TMEM200C: variants seen among roughly 807,000 people sequenced by gnomAD.
TMEM200C encodes the protein transmembrane protein 200C, also known as transmembrane protein TTMA.
For synonymous variants in TMEM200C, 462 were observed against 324.7 expected, an observed-to-expected ratio of 1.42 and a Z score of -4.55; for missense variants, 966 against 699.9, an observed-to-expected ratio of 1.38 and a Z score of -4.29.
chr18:5,891,619 C>T lies in TMEM200C; in HGVS notation c.445G>A (p.Val149Met), dbSNP rs775065617. 25 of 1,613,840 alleles carry T rather than the reference C, an allele frequency of 1.5e-5. No homozygotes were observed. Among genetic ancestry groups the T allele is most frequent in the Non-Finnish European group, 2.1e-5 (25 of 1,179,822 alleles). The change falls in exon 3 of 3, where the codon GTG (valine) becomes ATG (methionine). Residue 149 changes from valine to methionine, a missense_variant. Physicochemically the swap from Val to Met is conservative, Grantham distance 21. Transcript: ENST00000581347. This position sits in a 1 kb window ranked among gnomAD's most constrained non-coding sequence, Gnocchi z 4.7. ...GAGAAGATGCGGAAGAAGAAGCCCA[C>T]GGACGTGGAGGAGGAGGACGGGGAG...
chr18:5,893,489 A>G (rs2095173139), intron 2 of TMEM200C, among the ~76,000 whole-genome samples: 3 of 152,214 alleles, frequency 2.0e-5, no homozygotes, highest in Non-Finnish European at 4.4e-5. Flanking sequence ...AGAGTAGAAC[A>G]TTTTCTGTCC....
Position 5,891,085 on chromosome 18 carries a change from G to C in TMEM200C, c.979C>G (p.Arg327Gly), listed in dbSNP as rs1280877925. The C allele has an allele frequency of 9.4e-6, 5 of 533,014 alleles. No individual in the cohort carries two copies. Among genetic ancestry groups the C allele is most frequent in the African/African-American group, 2.0e-5 (1 of 49,130 alleles). The allele number at this position is 533,014 out of a possible 1,614,324, so 33.0% of individuals were successfully genotyped here. Reference sequence around the variant, plus strand: ...CTGCCTGCCACGCCCGAGCGCTCGCGGTAGACGCTGTACACGGCCTCGGCC... The same window carrying C: ...CTGCCTGCCACGCCCGAGCGCTCGCCGTAGACGCTGTACACGGCCTCGGCC... The change falls in exon 3 of 3, where the codon CGC becomes GGC. Residue 327 changes from arginine to glycine, a missense_variant. Arg to Gly is a moderately radical substitution (Grantham distance 125). Transcript: ENST00000581347. The surrounding 1 kb of genome is among the most constrained non-coding windows in gnomAD (Gnocchi z 4.7).
In TMEM200C at chr18:5,891,819, T is replaced by C. The variant is rs1340966980; in HGVS notation, c.245A>G (p.Asn82Ser). The C allele has an allele frequency of 1.2e-6, 2 of 1,605,572 alleles. No homozygotes were observed. The highest frequency in any genetic ancestry group is 2.2e-5 in the East Asian group (1 of 44,830). Residue 82 changes from asparagine to serine, a missense_variant, in exon 3 of 3, where the codon AAT becomes AGT. Coordinates refer to ENST00000581347, the Ensembl canonical transcript of TMEM200C. The surrounding 1 kb of genome is among the most constrained non-coding windows in gnomAD (Gnocchi z 4.7). ...CGGCAGCTGCTTACCCCCCTCCCGA[T>C]TGGTCCCGGTGGCCTTGGGCCAGTA... is the stretch of plus-strand genomic sequence containing the variant.
At chr18:5,887,800 T>C (rs1044682912) in exon 3 of TMEM200C, 1 of 152,266 alleles carries the variant, frequency 6.6e-6, no homozygotes, top group Non-Finnish European at 1.5e-5. Flanking sequence ...ACTACACTTA[T>C]ACACTTCCTC....
At chr18:5,896,148 C>A (rs1041405344), upstream of TMEM200C, among the ~76,000 whole-genome samples, 2 of 152,238 alleles carry the variant, frequency 1.3e-5, no homozygotes, top group South Asian at 4.1e-4. Context: ...CCGGGACGGG[C>A]GCACCGCGGG....
chr18:5,886,702 T>C (rs1191355801), exon 3 of TMEM200C: 1 of 152,194 alleles, frequency 6.6e-6, no homozygotes, highest in Non-Finnish European at 1.5e-5. Context: ...GTTTATTTAG[T>C]CCTCATTTAA....
At position 5,891,806 on chromosome 18, in the gene TMEM200C, A is replaced by AC; in HGVS notation, c.257dup (p.Lys87Ter). ...TGCTGCCCGCAGGCGGCAGCTGCTT[A>AC]CCCCCCTCCCGATTGGTCCCGGTGG... On this transcript the variant is annotated frameshift_variant, in exon 3 of 3. Transcript: ENST00000581347. LOFTEE classifies it low-confidence loss of function (END_TRUNC). The surrounding 1 kb of genome is among the most constrained non-coding windows in gnomAD (Gnocchi z 4.7). 1.2e-6 allele frequency: 2 copies of AC among 1,603,178 alleles called. No individual in the cohort carries two copies. The highest frequency in any genetic ancestry group is 1.7e-6 in the Non-Finnish European group (2 of 1,177,108).
chr18:5,895,212 C>G (rs1178115219), exon 2 of TMEM200C: 1 of 151,942 alleles, frequency 6.6e-6, no homozygotes, highest in Non-Finnish European at 1.5e-5. Flanking sequence ...TCGCAGTCCC[C>G]GCCGGCGCTG....
exon 3 of TMEM200C, chr18:5,888,482 G>C (rs920237463): frequency 1.3e-5 from 2 of 152,176 alleles, no homozygotes; most frequent in Non-Finnish European, 2.9e-5. Flanking sequence ...TCCAGGACAA[G>C]AGCCTGAATT....
At chr18:5,887,254 G>C (rs963334496) in exon 3 of TMEM200C, 1 of 152,094 alleles carries the variant, frequency 6.6e-6, no homozygotes, top group Admixed American at 6.5e-5. Context: ...ATAAATTAAA[G>C]GTGGGGGGAT....
exon 1 of TMEM200C, chr18:5,895,876 G>C (rs2144469140): frequency 6.6e-6 from 1 of 152,068 alleles, no homozygotes; most frequent in African/African-American, 2.4e-5. Flanking sequence ...GCGGGCCCCA[G>C]AGGCCCCAAA....
exon 3 of TMEM200C, chr18:5,890,151 G>C: frequency 6.7e-7 from 1 of 1,481,494 alleles, no homozygotes; most frequent in Admixed American, 2.2e-5. Context: ...ATTCAAGTGG[G>C]CGTTTCTCCC....
rs926486022 is a variant in TMEM200C at position 5,891,077 on chromosome 18, G to A, written c.987C>T (p.Arg329=). 3.7e-6 allele frequency: 2 copies of A among 534,932 alleles called. No individual in the cohort carries two copies. The highest frequency in any genetic ancestry group is 6.4e-6 in the Non-Finnish European group (2 of 311,388). The allele number at this position is 534,932 out of a possible 1,614,324, so 33.1% of individuals were successfully genotyped here. The change falls in exon 3 of 3, where the codon CGC becomes CGT. Residue 329 remains arginine, a synonymous_variant. Coordinates refer to ENST00000581347, the Ensembl canonical transcript of TMEM200C. The surrounding 1 kb of genome is among the most constrained non-coding windows in gnomAD (Gnocchi z 4.7). ...CCCGGCGACTGCCTGCCACGCCCGAGCGCTCGCGGTAGACGCTGTACACGG... is the reference window on the plus strand; with the variant it reads ...CCCGGCGACTGCCTGCCACGCCCGAACGCTCGCGGTAGACGCTGTACACGG...
chr18:5,892,061 C>A, exon 3 of TMEM200C: 1 of 1,611,704 alleles, frequency 6.2e-7, no homozygotes, highest in South Asian at 1.1e-5. Context: ...CGGTGGCGAT[C>A]ATGGCGAGCT....
exon 3 of TMEM200C, chr18:5,883,406 A>G (rs1599522924): frequency 1.3e-5 from 2 of 152,062 alleles, no homozygotes; most frequent in African/African-American, 2.4e-5. Flanking sequence ...CTGCATCTAT[A>G]CTTTGCTATT....
exon 3 of TMEM200C, chr18:5,887,828 A>C (rs927564034): frequency 5.3e-5 from 8 of 152,238 alleles, no homozygotes; most frequent in Non-Finnish European, 8.8e-5. Flanking sequence ...TAAAGAAATC[A>C]CAGGCTCCTC....
chr18:5,890,535 AG>A lies in TMEM200C; in HGVS notation c.1528del (p.Leu510CysfsTer45). The A allele has an allele frequency of 1.4e-6, 2 of 1,437,294 alleles. No individual in the cohort carries two copies. Among genetic ancestry groups the A allele is most frequent in the South Asian group, 1.5e-5 (1 of 65,268 alleles). 89.0% of individuals were successfully genotyped at this position (1,437,294 alleles called of 1,614,324 possible). On this transcript the variant is annotated frameshift_variant, in exon 3 of 3. Transcript: ENST00000581347. LOFTEE classifies it low-confidence loss of function (END_TRUNC). ...GGTGGGGGGCGAGCCCTCCAGCCGC[AG>A]GGGTGGCGAGGGGGAGGCGGCCTTG...
In TMEM200C at chr18:5,890,520, G is replaced by T. The variant is rs765729505; in HGVS notation, c.1544C>A (p.Ser515Ter). Residue 515 changes from serine (S) to a stop codon, truncating the protein, a stop_gained, in exon 3 of 3, where the codon TCG becomes TAG. Transcript: ENST00000581347. LOFTEE classifies it low-confidence loss of function (END_TRUNC). ...CCCGGAGTCCCGCCTGGTGGGGGGCGAGCCCTCCAGCCGCAGGGGTGGCGA... is the reference window on the plus strand; with the variant it reads ...CCCGGAGTCCCGCCTGGTGGGGGGCTAGCCCTCCAGCCGCAGGGGTGGCGA... 1.3e-6 allele frequency: 2 copies of T among 1,505,414 alleles called. No homozygotes were observed. The highest frequency in any genetic ancestry group is 2.0e-5 in the Admixed American group (1 of 49,054). The allele number at this position is 1,505,414 out of a possible 1,614,324, so 93.3% of individuals were successfully genotyped here.
At chr18:5,890,793 T>C (rs1005302109) in exon 3 of TMEM200C, 9 of 650,024 alleles carry the variant, frequency 1.4e-5, no homozygotes, top group East Asian at 3.3e-5. Flanking sequence ...GCCGCGGAGG[T>C]TGGTCATGCT....
Sources: gnomAD v4.1 joint callset for allele counts (sites outside exome capture counted in the v4.1 genomes callset) on GRCh38, gnomAD v4.1.1 for gene constraint, Gnocchi (gnomAD v3.1) non-coding constraint, MANE v1.5 for transcripts, NCBI Gene and HGNC (gene_info 2026-07-23, HGNC 2026-07-21) for gene names.